The following TRPC4 variants were observed in gnomAD, a reference collection of about 807,000 sequenced individuals.
TRPC4 encodes the protein transient receptor potential cation channel subfamily C member 4, also known as short transient receptor potential channel 4.
A neutral mutation model predicts 99.4 loss-of-function variants in TRPC4; 49 were observed. The observed-to-expected ratio is 0.49, with a 90% CI of 0.39 to 0.63. TRPC4 has a LOEUF of 0.63. Among genes scored for constraint, TRPC4 ranks in the 20% least tolerant of loss-of-function variants. The probability of loss-of-function intolerance (pLI) is 0.00; values close to 1 mark genes in which losing one functional copy is unlikely to be tolerated. For missense variants in TRPC4, 898 were observed against 1,152.9 expected (o/e 0.78, Z 3.20); for synonymous variants, 454 against 425.9 (o/e 1.07, Z -0.81).
At chr13:37,851,763 C>T (rs1039460714) in intron 1 of TRPC4, among the ~76,000 whole-genome samples, 1 of 152,172 alleles carries the variant, frequency 6.6e-6, no homozygotes, top group African/African-American at 2.4e-5. Context: ...GTCTTAATTG[C>T]TGATACCACC....
At chr13:37,684,500 G>A (rs926152302) in intron 4 of TRPC4, among the ~76,000 whole-genome samples, 3 of 152,216 alleles carry the variant, frequency 2.0e-5, no homozygotes, top group African/African-American at 7.2e-5. Context: ...TTTTATCAGT[G>A]TAGGAGCATT....
At chr13:37,854,401 C>T (rs1365147910) in intron 1 of TRPC4, among the ~76,000 whole-genome samples, 1 of 152,026 alleles carries the variant, frequency 6.6e-6, no homozygotes, top group East Asian at 1.9e-4. Context: ...TCATCAATAC[C>T]AGACCTGTTC....
chr13:37,637,146 C>A lies in TRPC4; in HGVS notation c.2691G>T (p.Leu897=), dbSNP rs771321099. The change falls in exon 11 of 11, where the codon CTG becomes CTT. Residue 897 remains leucine, a synonymous_variant. Transcript: ENST00000379705. ...ESRGLASRGD[L]SIPGLSEQCV... is the part of the protein sequence containing the mutation. The stretch of plus-strand genomic sequence containing the variant: ...ATTGTTCACTGAGACCGGGAATGCT[C>A]AGGTCACCCCGTGAAGCTAATCCTC... The A allele has an allele frequency of 6.2e-7, 1 of 1,613,796 alleles. No individual in the cohort carries two copies. The highest frequency in any genetic ancestry group is 1.7e-5 in the Admixed American group (1 of 59,934).
At chr13:37,659,668 A>G (rs889852464) in intron 6 of TRPC4, among the ~76,000 whole-genome samples, 2 of 152,176 alleles carry the variant, frequency 1.3e-5, no homozygotes, top group Non-Finnish European at 1.5e-5. Context: ...AATGGAAGAC[A>G]TAAGAAACAA....
chr13:37,832,178 CA>C (rs1456642382), intron 1 of TRPC4, among the ~76,000 whole-genome samples: 1 of 152,086 alleles, frequency 6.6e-6, no homozygotes, highest in Non-Finnish European at 1.5e-5. Flanking sequence ...TTGTAAATTA[CA>C]GTAAAATAAT....
intron 2 of TRPC4, among the ~76,000 whole-genome samples, chr13:37,770,734 T>A (rs1012904558): frequency 2.6e-5 from 4 of 151,610 alleles, no homozygotes; most frequent in African/African-American, 9.7e-5. Context: ...ATACACATTT[T>A]TAAAGTTTAA....
At position 37,692,072 on chromosome 13, in the gene TRPC4, G is replaced by A. The variant is rs749201783; in HGVS notation, c.1161C>T (p.Ile387=). The A allele has an allele frequency of 3.1e-6, 5 of 1,613,792 alleles. No individual in the cohort carries two copies. Among genetic ancestry groups the A allele is most frequent in the Non-Finnish European group, 3.4e-6 (4 of 1,179,848 alleles). The change falls in exon 4 of 11, where the codon ATC becomes ATT. Residue 387 remains isoleucine (I), a synonymous_variant. Coordinates refer to ENST00000379705, the MANE Select transcript of TRPC4 (RefSeq NM_016179.4). Reference sequence around the variant, plus strand: ...CTTGCCTGTTCAAGTCTGACCTGTCGATGTGCTGAGAGGCAAGCAGCAGCA... The same window carrying A: ...CTTGCCTGTTCAAGTCTGACCTGTCAATGTGCTGAGAGGCAAGCAGCAGCA... ...LFLLLLASQH[I]DRSDLNRQGP... is the part of the protein sequence containing the mutation.
intron 7 of TRPC4, among the ~76,000 whole-genome samples, chr13:37,652,589 C>T (rs1031773528): frequency 8.2e-5 from 1 of 12,188 alleles, no homozygotes; most frequent in Non-Finnish European, 2.0e-4. Flanking sequence ...TTTCCCTCCT[C>T]TTCCTTTCCT....
Position 37,855,290 on chromosome 13 carries a change from AATGTAGATATATATATATATATACAC to A in TRPC4, c.-28+14279_-28+14304del, listed in dbSNP as rs1176173095. ...AGGAGTCAATCCAGCAACAGGATACAATGTAGATATATATATATATATACACATGTAGATATATACAATGTAGATAT... is the reference window on the plus strand; with the variant it reads ...AGGAGTCAATCCAGCAACAGGATACAATGTAGATATATACAATGTAGATAT... On this transcript the variant is annotated intron_variant, in intron 1 of 10. Coordinates refer to ENST00000379705, the MANE Select transcript of TRPC4 (RefSeq NM_016179.4). Among the ~76,000 whole-genome samples the A allele has an allele frequency of 3.6e-5, 5 of 140,486 alleles. No homozygotes were observed. The East Asian group carries it at 7.8e-4, about 22-fold the overall frequency. The allele number at this position is 140,486 out of a possible 152,430, so 92.2% of individuals were successfully genotyped here. A position where few individuals can be genotyped will look rare whatever the true frequency, so the allele number is the denominator to read the frequency against.
At chr13:37,701,133 A>G (rs779836774) in intron 3 of TRPC4, among the ~76,000 whole-genome samples, 2 of 152,202 alleles carry the variant, frequency 1.3e-5, no homozygotes, top group Non-Finnish European at 2.9e-5. Context: ...AACAACACAT[A>G]AAAGAGCCAA....
Position 37,636,765 on chromosome 13 carries a change from G to GT in TRPC4, c.*137dup. The stretch of plus-strand genomic sequence containing the variant: ...GATTGCCTTTGCCTTATTTAAACAT[G>GT]TTACAGGTAATATGCCACAGCTGAT... On this transcript the variant is annotated 3_prime_UTR_variant, in exon 11 of 11. Coordinates refer to ENST00000379705, the MANE Select transcript of TRPC4 (RefSeq NM_016179.4). The GT allele has an allele frequency of 9.7e-7, 1 of 1,030,782 alleles. No individual in the cohort carries two copies. The allele number at this position is 1,030,782 out of a possible 1,614,324, so 63.9% of individuals were successfully genotyped here. A position where few individuals can be genotyped will look rare whatever the true frequency, so the allele number is the denominator to read the frequency against.
At chr13:37,818,684 A>G (rs928735496) in intron 1 of TRPC4, among the ~76,000 whole-genome samples, 1 of 152,170 alleles carries the variant, frequency 6.6e-6, no homozygotes, top group African/African-American at 2.4e-5. Context: ...CATCATTCTC[A>G]GTAAACTAAT....
In TRPC4 at chr13:37,637,401, A is replaced by G; in HGVS notation, c.2436T>C (p.Ser812=). ...AGCCATTGCTTATGTTATGTCTTTC[A>G]GAGGCAATTGCTGCTGATCTCGGAT... ...LIHPRSAAIA[S]ERHNISNGSA... The change falls in exon 11 of 11, where the codon TCT becomes TCC. Residue 812 remains serine, a synonymous_variant. Coordinates refer to ENST00000379705, the MANE Select transcript of TRPC4 (RefSeq NM_016179.4). 1.2e-6 allele frequency: 2 copies of G among 1,613,744 alleles called. No homozygotes were observed. The highest frequency in any genetic ancestry group is 1.7e-6 in the Non-Finnish European group (2 of 1,179,828).
chr13:37,683,027 G>A (rs1487882582), intron 4 of TRPC4, among the ~76,000 whole-genome samples: 2 of 151,070 alleles, frequency 1.3e-5, no homozygotes, highest in Non-Finnish European at 2.9e-5. Context: ...GGCCTTCCAA[G>A]GAGGGAGCTT....
At chr13:37,806,249 C>T (rs946992013) in intron 1 of TRPC4, among the ~76,000 whole-genome samples, 9 of 152,006 alleles carry the variant, frequency 5.9e-5, no homozygotes, top group Non-Finnish European at 4.4e-5. Context: ...ACAATATCAC[C>T]TCTCAGAGTT....
At chr13:37,665,075 T>C (rs1338216260) in intron 5 of TRPC4, among the ~76,000 whole-genome samples, 1 of 152,212 alleles carries the variant, frequency 6.6e-6, no homozygotes, top group African/African-American at 2.4e-5. Context: ...TAAGATGTTT[T>C]TCTCTTTCAT....
chr13:37,723,838 A>T (rs114369881), intron 3 of TRPC4, among the ~76,000 whole-genome samples: 113 of 152,280 alleles, frequency 7.4e-4, no homozygotes, highest in African/African-American at 2.5e-3. Context: ...TACAGGTGTG[A>T]GCCACCACAC....
At chr13:37,833,181 C>T (rs1365759180) in intron 1 of TRPC4, among the ~76,000 whole-genome samples, 2 of 152,056 alleles carry the variant, frequency 1.3e-5, no homozygotes, top group Non-Finnish European at 2.9e-5. Context: ...TTCTATGTTT[C>T]TGGCATGCAT....
intron 6 of TRPC4, among the ~76,000 whole-genome samples, chr13:37,657,166 T>A (rs1366673165): frequency 6.6e-6 from 1 of 152,224 alleles, no homozygotes; most frequent in Non-Finnish European, 1.5e-5. Flanking sequence ...TTTCTAGACC[T>A]GTAAAATGAC....
Sources: allele counts gnomAD v4.1 joint callset (sites outside exome capture counted in the v4.1 genomes callset), GRCh38; gene constraint gnomAD v4.1.1; transcripts MANE v1.5; gene names NCBI Gene and HGNC (gene_info 2026-07-23, HGNC 2026-07-21).